The following UBE4A variants were observed in gnomAD, a reference collection of about 807,000 sequenced individuals.
The protein encoded by UBE4A is ubiquitin conjugation factor E4 A.
A neutral mutation model predicts 117.9 loss-of-function variants in UBE4A; 48 were observed. That is an observed-to-expected ratio of 0.41 (90% confidence interval 0.32 to 0.52). The LOEUF is 0.52. Among genes scored for constraint, UBE4A ranks in the 20% least tolerant of loss-of-function variants. The pLI, the probability that UBE4A is intolerant of heterozygous loss-of-function variation, is 0.33. For missense variants in UBE4A, 1,067 were observed against 1,296.3 expected, an observed-to-expected ratio of 0.82 and a Z score of 2.72; for synonymous variants, 407 against 450.0, an observed-to-expected ratio of 0.90 and a Z score of 1.21.
chr11:118,371,157 C>A (rs1948605255), intron 4 of UBE4A, among the ~76,000 whole-genome samples: 1 of 152,186 alleles, frequency 6.6e-6, no homozygotes, highest in Non-Finnish European at 1.5e-5. Flanking sequence ...AGTTTAACTT[C>A]ACATTTGGAG....
In UBE4A at chr11:118,373,677, A is replaced by T; in HGVS notation, c.1108A>T (p.Ile370Phe). The T allele has an allele frequency of 1.2e-6, 2 of 1,613,724 alleles. No homozygotes were observed. The highest frequency in any genetic ancestry group is 1.7e-6 in the Non-Finnish European group (2 of 1,179,816). ...PQEIKVQEAN[I>F]HQFMAQFHEK... ...GGAGATCAAAGTACAGGAGGCCAACATCCATCAGGTGGAACTGTTTACCAG... is the reference window on the plus strand; with the variant it reads ...GGAGATCAAAGTACAGGAGGCCAACTTCCATCAGGTGGAACTGTTTACCAG... Residue 370 changes from isoleucine to phenylalanine, a missense_variant, in exon 8 of 20, where the codon ATC (isoleucine) becomes TTC (phenylalanine). This residue lies in a region of UBE4A where 1,001 missense variants were observed against 1,184.0 expected (regional missense o/e 0.85). Coordinates refer to ENST00000252108, the MANE Select transcript of UBE4A (RefSeq NM_001204077.2).
intron 15 of UBE4A, among the ~76,000 whole-genome samples, 183 bp downstream of exon 15, chr11:118,385,128 A>AT (rs1948744680): frequency 6.6e-6 from 1 of 152,166 alleles, no homozygotes; most frequent in Non-Finnish European, 1.5e-5. Flanking sequence ...TTTCTAGTTC[A>AT]TTCCATTAGA....
In UBE4A at chr11:118,382,794, C is replaced by A; in HGVS notation, c.2197+18C>A. The A allele has an allele frequency of 6.5e-7, 1 of 1,545,948 alleles. No individual in the cohort carries two copies. The highest frequency in any genetic ancestry group is 1.2e-5 in the South Asian group (1 of 81,276). Reference sequence around the variant, plus strand: ...ATTTACAGGTAAAGCAGTCATGAAGCTGAGCCCAGAACTGGGAAGCTGATA... The same window carrying A: ...ATTTACAGGTAAAGCAGTCATGAAGATGAGCCCAGAACTGGGAAGCTGATA... On this transcript the variant is annotated intron_variant, in intron 13 of 19. Transcript: ENST00000252108.
At chr11:118,391,005 C>G (rs1948810680) in intron 18 of UBE4A, among the ~76,000 whole-genome samples, 1 of 151,710 alleles carries the variant, frequency 6.6e-6, no homozygotes, top group African/African-American at 2.4e-5. Context: ...ATAGCAAGAC[C>G]CCATCTCCTA....
chr11:118,388,684 G>A (rs1948782994), intron 16 of UBE4A, among the ~76,000 whole-genome samples: 1 of 150,566 alleles, frequency 6.6e-6, no homozygotes, highest in Non-Finnish European at 1.5e-5. Flanking sequence ...TCTACAAGAT[G>A]TATCCACAAT....
At chr11:118,390,982 C>G (rs574088448) in intron 18 of UBE4A, among the ~76,000 whole-genome samples, 178 bp downstream of exon 18, 3 of 152,228 alleles carry the variant, frequency 2.0e-5, no homozygotes, top group African/African-American at 7.2e-5. Context: ...CACTACACTC[C>G]AGCCTTGGCA....
intron 19 of UBE4A, among the ~76,000 whole-genome samples, chr11:118,395,442 A>C (rs896928201): frequency 1.3e-5 from 2 of 152,242 alleles, no homozygotes; most frequent in Non-Finnish European, 2.9e-5. Flanking sequence ...AAAACATTAC[A>C]AGAACTTATG....
chr11:118,364,761 A>G (rs1948549450), intron 1 of UBE4A, among the ~76,000 whole-genome samples: 1 of 151,468 alleles, frequency 6.6e-6, no homozygotes, highest in Non-Finnish European at 1.5e-5. Flanking sequence ...TCTTAAAGGT[A>G]TTGCAAATAA....
In UBE4A at chr11:118,380,692, C is replaced by G. The variant is rs55753562; in HGVS notation, c.1877-699C>G. Among the ~76,000 whole-genome samples, 1,455 of 152,276 alleles carry G rather than the reference C, an allele frequency of 9.6e-3. 22 individuals carry two copies. The highest frequency in any genetic ancestry group is 0.033 in the African/African-American group (1,387 of 41,558). ...GAAGTTATATAGCCAAGCTGTCAAT[C>G]AGGGCCTTAGGAATCTGAGGACTCT... On this transcript the variant is annotated intron_variant, in intron 11 of 19. Coordinates refer to ENST00000252108, the MANE Select transcript of UBE4A (RefSeq NM_001204077.2).
intron 2 of UBE4A, among the ~76,000 whole-genome samples, chr11:118,367,141 G>A (rs1420279405): frequency 2.6e-5 from 4 of 151,398 alleles, no homozygotes; most frequent in African/African-American, 4.9e-5. Context: ...TAGAGGTTGC[G>A]GTGAGCCGAG....
Position 118,386,528 on chromosome 11 carries a change from G to T in UBE4A, c.2503G>T (p.Gly835Cys). ...TPEARREKEA[G>C]LQMFGQLARF... ...AGAAGCCCGCCGAGAAAAGGAGGCT[G>T]GCCTACAGATGTTTGGACAGCTGGC... Residue 835 changes from glycine to cysteine, a missense_variant, in exon 16 of 20, where the codon GGC becomes TGC. Physicochemically the swap from Gly to Cys is radical, Grantham distance 159. Transcript: ENST00000252108. 1.2e-6 allele frequency: 2 copies of T among 1,607,422 alleles called. No homozygotes were observed. The highest frequency in any genetic ancestry group is 1.7e-6 in the Non-Finnish European group (2 of 1,177,802).
intron 9 of UBE4A, 93 bp from the exon 10 acceptor site, chr11:118,376,481 A>C (rs375854333): frequency 6.8e-7 from 1 of 1,476,416 alleles, no homozygotes; most frequent in Non-Finnish European, 9.1e-7. Context: ...TTTTAAGAAG[A>C]TATCACTGCT....
At chr11:118,389,967 G>A in intron 17 of UBE4A, 62 bp downstream of exon 17, 2 of 1,417,376 alleles carry the variant, frequency 1.4e-6, no homozygotes, top group East Asian at 2.4e-5. Flanking sequence ...GGTTTTGATA[G>A]TAGAATGACT....
intron 13 of UBE4A, among the ~76,000 whole-genome samples, chr11:118,383,370 G>A (rs1360329686): frequency 6.6e-6 from 1 of 152,048 alleles, no homozygotes; most frequent in African/African-American, 2.4e-5. Context: ...AAAGTAGGCA[G>A]ATCACTTGAG....
At chr11:118,371,702 C>A in intron 5 of UBE4A, 36 bp downstream of exon 5, 1 of 1,575,516 alleles carries the variant, frequency 6.3e-7, no homozygotes, top group Non-Finnish European at 8.6e-7. Flanking sequence ...CTGTATTGTC[C>A]TCTTGGGTAT....
chr11:118,389,421 CTGTG>C (rs1430618982), intron 16 of UBE4A, among the ~76,000 whole-genome samples: 1 of 151,994 alleles, frequency 6.6e-6, no homozygotes, highest in Admixed American at 6.6e-5. Flanking sequence ...TAAAAAATGT[CTGTG>C]TGTGTGTAAA....
chr11:118,384,354 A>G (rs1375382350), intron 13 of UBE4A, among the ~76,000 whole-genome samples: 1 of 152,214 alleles, frequency 6.6e-6, no homozygotes, highest in Non-Finnish European at 1.5e-5. Context: ...ATGTTTGGAT[A>G]TGGAAACATT....
chr11:118,365,238 C>G, intron 2 of UBE4A, 37 bp downstream of exon 2: 3 of 1,528,606 alleles, frequency 2.0e-6, no homozygotes, highest in Non-Finnish European at 2.6e-6. Context: ...ATAAGATGAC[C>G]TAGAATGGGG....
chr11:118,366,478 A>G (rs989441702), intron 2 of UBE4A, among the ~76,000 whole-genome samples: 2 of 152,202 alleles, frequency 1.3e-5, no homozygotes, highest in African/African-American at 4.8e-5. Flanking sequence ...AAATCTGGCT[A>G]GAGTTGGGAG....
Sources: allele counts gnomAD v4.1 joint callset (sites outside exome capture counted in the v4.1 genomes callset), GRCh38; gene constraint gnomAD v4.1.1; regional missense constraint gnomAD v4.1.1; transcripts MANE v1.5; gene names NCBI Gene and HGNC (gene_info 2026-07-23, HGNC 2026-07-21).